The following TRMT9B variants were observed in gnomAD, a reference collection of about 807,000 sequenced individuals.
TRMT9B encodes probable tRNA methyltransferase 9B.
Under a neutral mutation model 11.5 loss-of-function variants are expected in TRMT9B, and 16 were observed. The observed-to-expected ratio is 1.39, with a 90% CI of 0.94 to 2.11. The LOEUF (loss-of-function observed/expected upper bound fraction) is 2.11. Ranked by LOEUF, TRMT9B falls within the 30% of genes most tolerant of loss-of-function variation. The pLI is 0.00. For synonymous variants in TRMT9B, 274 were observed against 192.4 expected (o/e 1.42, Z -3.51); for missense variants, 941 against 553.8 (o/e 1.70, Z -7.02).
chr8:12,964,212 C>G (rs1802512962), intron 1 of TRMT9B, among the ~76,000 whole-genome samples: 2 of 152,156 alleles, frequency 1.3e-5, no homozygotes, highest in African/African-American at 4.8e-5. Context: ...TGTATTGCAT[C>G]TTTTTGAAAA....
At position 13,006,238 on chromosome 8, in the gene TRMT9B, T is replaced by C; in HGVS notation, c.36T>C (p.His12=). 5 of 1,614,020 alleles carry C rather than the reference T, an allele frequency of 3.1e-6. No homozygotes were observed. The highest frequency in any genetic ancestry group is 4.2e-6 in the Non-Finnish European group (5 of 1,179,902). The stretch of plus-strand genomic sequence containing the variant: ...AAGCCGCCCAGCTGGAGAAGCAGCA[T>C]GTGCACAATGTGTACGAGAGCACAG... ...DHEAAQLEKQ[H]VHNVYESTAP... is the part of the protein sequence containing the mutation. Residue 12 remains histidine, a synonymous_variant, in exon 3 of 5, where the codon CAT becomes CAC. Coordinates refer to ENST00000524591, the MANE Select transcript of TRMT9B (RefSeq NM_020844.3).
intron 1 of TRMT9B, among the ~76,000 whole-genome samples, chr8:12,972,572 T>C (rs1803800145): frequency 6.6e-6 from 1 of 152,178 alleles, no homozygotes; most frequent in African/African-American, 2.4e-5. Flanking sequence ...CACCCTGTCC[T>C]TCCAGGCTCC....
At chr8:12,951,571 G>A (rs1446782361) in intron 1 of TRMT9B, 2 of 152,210 alleles carry the variant, frequency 1.3e-5, no homozygotes, top group Non-Finnish European at 2.9e-5. Context: ...GCGATTGCAG[G>A]GAACGGGGCG....
chr8:13,004,617 A>G (rs1810079242), intron 2 of TRMT9B, among the ~76,000 whole-genome samples: 1 of 151,998 alleles, frequency 6.6e-6, no homozygotes, highest in Non-Finnish European at 1.5e-5. Flanking sequence ...GTCAGGACCC[A>G]TCACCTTCTG....
intron 1 of TRMT9B, among the ~76,000 whole-genome samples, chr8:12,963,351 T>G (rs1330235215): frequency 6.6e-6 from 1 of 152,164 alleles, no homozygotes; most frequent in Non-Finnish European, 1.5e-5. Context: ...GAGAATTGCT[T>G]GAACCTGGGA....
intron 1 of TRMT9B, among the ~76,000 whole-genome samples, chr8:12,975,488 G>A (rs1401894371): frequency 6.6e-6 from 1 of 152,126 alleles, no homozygotes; most frequent in Non-Finnish European, 1.5e-5. Context: ...TGTAATCCCA[G>A]CACTTTGGGA....
At chr8:12,980,298 C>G (rs1323916147) in intron 1 of TRMT9B, among the ~76,000 whole-genome samples, 1 of 152,188 alleles carries the variant, frequency 6.6e-6, no homozygotes, top group African/African-American at 2.4e-5. Flanking sequence ...TGCCTTCTGT[C>G]TTCTCTCCTG....
rs188744940 is a variant in TRMT9B, at chr8:13,021,735, C to T, written c.1056C>T (p.Ser352=). The change falls in exon 5 of 5, where the codon AGC becomes AGT. Residue 352 remains serine, a synonymous_variant. Transcript: ENST00000524591. Reference sequence around the variant, plus strand: ...ATGGAGGGGGAAATTTTCTGGATAGCACTAATACTGGTGTGAATTGTGTGG... The same window carrying T: ...ATGGAGGGGGAAATTTTCTGGATAGTACTAATACTGGTGTGAATTGTGTGG... The part of the protein sequence containing the change: ...RRNGGGNFLD[S]TNTGVNCVDA... 7.7e-4 allele frequency: 1,240 copies of T among 1,613,900 alleles called. No homozygotes were observed. The highest frequency in any genetic ancestry group is 9.8e-4 in the Non-Finnish European group (1,154 of 1,179,862).
At chr8:12,977,750 C>T (rs1055952748) in intron 1 of TRMT9B, among the ~76,000 whole-genome samples, 2 of 151,764 alleles carry the variant, frequency 1.3e-5, no homozygotes, top group Non-Finnish European at 2.9e-5. Context: ...TGCAGTGGCT[C>T]ATGTCTGTAA....
intron 1 of TRMT9B, among the ~76,000 whole-genome samples, chr8:12,946,283 G>C (rs918132823): frequency 2.0e-5 from 3 of 152,124 alleles, no homozygotes; most frequent in African/African-American, 7.2e-5. Context: ...GCAATCAGAA[G>C]AGCAGATTAA....
chr8:12,973,053 C>A (rs962776244), intron 1 of TRMT9B, among the ~76,000 whole-genome samples: 1 of 152,096 alleles, frequency 6.6e-6, no homozygotes, highest in Non-Finnish European at 1.5e-5. Flanking sequence ...GCTGACTGTT[C>A]CAGGAACCTC....
In TRMT9B at chr8:13,012,361, G is replaced by C. The variant is rs143458275; in HGVS notation, c.155-323G>C. ...GGAGGCCGAGGCAGGCGGATCACCT[G>C]AGGTTGGGAGTTCGAGACCAACCTG... is the stretch of plus-strand genomic sequence containing the variant. On this transcript the variant is annotated intron_variant, in intron 3 of 4. Coordinates refer to ENST00000524591, the MANE Select transcript of TRMT9B (RefSeq NM_020844.3). The C allele has an allele frequency of 1.8e-3, 1,404 of 791,994 alleles. 11 individuals are homozygous for C. In the African/African-American group the frequency reaches 0.02, roughly 11 times the overall value. The allele number at this position is 791,994 out of a possible 1,614,324, so 49.1% of individuals were successfully genotyped here.
At chr8:12,990,467 TC>T (rs1807144718) in intron 1 of TRMT9B, among the ~76,000 whole-genome samples, 1 of 152,212 alleles carries the variant, frequency 6.6e-6, no homozygotes, top group African/African-American at 2.4e-5. Flanking sequence ...TATTGAGCAG[TC>T]CAATTGTACT....
chr8:12,953,473 C>T (rs928411992), intron 1 of TRMT9B, among the ~76,000 whole-genome samples: 8 of 152,266 alleles, frequency 5.3e-5, no homozygotes, highest in African/African-American at 1.7e-4. Context: ...CCTCAGCCTC[C>T]CCAGTAGCTG....
At position 13,021,218 on chromosome 8, in the gene TRMT9B, A is replaced by G; in HGVS notation, c.539A>G (p.Gln180Arg). Residue 180 changes from glutamine to arginine, a missense_variant, in exon 5 of 5, where the codon CAG becomes CGG. Physicochemically the swap from Gln to Arg is conservative, Grantham distance 43. Coordinates refer to ENST00000524591, the MANE Select transcript of TRMT9B (RefSeq NM_020844.3). ...SESSQSGRKR[Q>R]CGYPERGHPY... ...TCCAGCCAGTCTGGGAGGAAGAGGC[A>G]GTGTGGATACCCAGAAAGAGGCCAT... is the stretch of plus-strand genomic sequence containing the variant. 1 of 1,613,876 alleles carries G rather than the reference A, an allele frequency of 6.2e-7. No homozygotes were observed. The highest frequency in any genetic ancestry group is 8.5e-7 in the Non-Finnish European group (1 of 1,179,804).
intron 1 of TRMT9B, among the ~76,000 whole-genome samples, chr8:12,949,924 C>G (rs1421077816): frequency 2.6e-5 from 4 of 152,178 alleles, no homozygotes; most frequent in African/African-American, 9.7e-5. Flanking sequence ...GCAAGCACAG[C>G]TCACTGCAAC....
intron 1 of TRMT9B, among the ~76,000 whole-genome samples, chr8:12,977,255 G>A (rs539268794): frequency 1.3e-5 from 2 of 152,280 alleles, no homozygotes; most frequent in East Asian, 1.9e-4. Flanking sequence ...GGTCGATGGA[G>A]CACTCAGCAG....
intron 1 of TRMT9B, among the ~76,000 whole-genome samples, chr8:12,985,602 C>A (rs1806163989): frequency 6.6e-6 from 1 of 152,162 alleles, no homozygotes; most frequent in South Asian, 2.1e-4. Context: ...GTACGGACCA[C>A]CCATCTTTGT....
chr8:13,008,611 C>T (rs1810943871), intron 3 of TRMT9B, among the ~76,000 whole-genome samples: 1 of 152,012 alleles, frequency 6.6e-6, no homozygotes, highest in Non-Finnish European at 1.5e-5. Flanking sequence ...TAACTTTGAC[C>T]CTATAAAAAT....
Sources: allele counts gnomAD v4.1 joint callset (sites outside exome capture counted in the v4.1 genomes callset), GRCh38; gene constraint gnomAD v4.1.1; transcripts MANE v1.5; gene names NCBI Gene and HGNC (gene_info 2026-07-23, HGNC 2026-07-21).